Variants in LUC7L2 observed in about 807,000 individuals in gnomAD.
LUC7L2 encodes LUC7 like 2, pre-mRNA splicing factor, also known as putative RNA-binding protein Luc7-like 2.
In LUC7L2, 25 loss-of-function variants were observed where a neutral mutation model predicts 52.8. The observed-to-expected ratio is 0.47, with a 90% CI of 0.34 to 0.66. LUC7L2 has a LOEUF of 0.66. Among genes scored for constraint, LUC7L2 ranks in the 30% least tolerant of loss-of-function variants. LUC7L2 has a pLI of 0.01. For missense variants in LUC7L2, 328 were observed against 497.8 expected, an observed-to-expected ratio of 0.66 and a Z score of 3.25; for synonymous variants, 144 against 160.9, an observed-to-expected ratio of 0.89 and a Z score of 0.80.
intron 1 of LUC7L2, among the ~76,000 whole-genome samples, chr7:139,350,912 G>A (rs757778966): frequency 1.6e-4 from 25 of 152,046 alleles, no homozygotes; most frequent in Non-Finnish European, 2.6e-4. Context: ...CTGACCTCGT[G>A]ATTTGCCCGC....
At position 139,413,341 on chromosome 7, in the gene LUC7L2, A is replaced by T. The variant is rs572832531; in HGVS notation, c.809+761A>T. 2.0e-5 allele frequency among the ~76,000 whole-genome samples: 3 copies of T among 152,218 alleles called. No homozygotes were observed. The South Asian group carries it at 6.2e-4, about 32-fold the overall frequency. Reference sequence around the variant, plus strand: ...TCTTCATGGATCCATTCCCACCTAGAATGCCCTTTCTCAGTCTTTTCCAAA... The same window carrying T: ...TCTTCATGGATCCATTCCCACCTAGTATGCCCTTTCTCAGTCTTTTCCAAA... On this transcript the variant is annotated intron_variant, in intron 8 of 9. Transcript: ENST00000354926.
chr7:139,370,393 T>C (rs1253055491), intron 1 of LUC7L2, among the ~76,000 whole-genome samples: 2 of 152,184 alleles, frequency 1.3e-5, no homozygotes, highest in Non-Finnish European at 1.5e-5. Context: ...GGCTCCTTAG[T>C]ATAAGAGTTA....
At chr7:139,379,572 TTTTTTTTTTTTTTTTG>T (rs1800890067) in intron 2 of LUC7L2, among the ~76,000 whole-genome samples, 1 of 85,514 alleles carries the variant, frequency 1.2e-5, no homozygotes, top group Admixed American at 1.2e-4. Context: ...TTTTTTTTTT[TTTTTTTTTTTTTTTTG>T]AGACAGATAC....
At chr7:139,382,947 G>T (rs1801112855) in intron 2 of LUC7L2, among the ~76,000 whole-genome samples, 1 of 149,242 alleles carries the variant, frequency 6.7e-6, no homozygotes. Flanking sequence ...TTTTTTTTTG[G>T]AGGAGTCTCC....
At chr7:139,389,656 A>T (rs1794344444) in intron 2 of LUC7L2, among the ~76,000 whole-genome samples, 1 of 152,210 alleles carries the variant, frequency 6.6e-6, no homozygotes, top group Non-Finnish European at 1.5e-5. Context: ...CCAAGGAAAT[A>T]AGTTATTCAT....
chr7:139,385,801 A>G (rs563114647), intron 2 of LUC7L2, among the ~76,000 whole-genome samples: 3 of 152,336 alleles, frequency 2.0e-5, no homozygotes, highest in East Asian at 3.9e-4. Context: ...CCTAAGGATC[A>G]GGAATTATTC....
chr7:139,377,256 G>A (rs976494509), intron 2 of LUC7L2, among the ~76,000 whole-genome samples: 3 of 151,952 alleles, frequency 2.0e-5, no homozygotes, highest in East Asian at 3.9e-4. Flanking sequence ...CAGGCTTGGC[G>A]TGCAGTGGCG....
intron 2 of LUC7L2, among the ~76,000 whole-genome samples, chr7:139,390,509 A>G (rs779427230): frequency 3.3e-5 from 5 of 149,722 alleles, no homozygotes; most frequent in Non-Finnish European, 5.9e-5. Context: ...GGTTACAGAC[A>G]TGAGCCACTG....
chr7:139,359,732 G>A (rs1316158771), upstream of LUC7L2: 2 of 399,950 alleles, frequency 5.0e-6, no homozygotes, highest in Non-Finnish European at 8.8e-6. Flanking sequence ...TAAGGAACCA[G>A]AGTATCGCGA....
intron 8 of LUC7L2, among the ~76,000 whole-genome samples, chr7:139,415,672 T>C (rs548200053): frequency 1.5e-4 from 23 of 151,644 alleles, no homozygotes; most frequent in African/African-American, 4.1e-4. Flanking sequence ...TTTAAAAATT[T>C]ATTGTAGATA....
At chr7:139,364,586 T>TA (rs572184640) in intron 1 of LUC7L2, among the ~76,000 whole-genome samples, 97 of 152,332 alleles carry the variant, frequency 6.4e-4, no homozygotes, top group Non-Finnish European at 1.0e-3. Context: ...GTACAGTAGT[T>TA]ATAGTTTGTG....
At chr7:139,368,355 T>TA (rs1029288663) in intron 1 of LUC7L2, among the ~76,000 whole-genome samples, 1 of 152,302 alleles carries the variant, frequency 6.6e-6, no homozygotes, top group African/African-American at 2.4e-5. Flanking sequence ...TGTCTGCATT[T>TA]AAAAAAATGT....
intron 1 of LUC7L2, among the ~76,000 whole-genome samples, chr7:139,370,310 A>G (rs1800379722): frequency 6.6e-6 from 1 of 152,216 alleles, no homozygotes; most frequent in South Asian, 2.1e-4. Flanking sequence ...TTCTAAAGGA[A>G]CAACAAAGGT....
At chr7:139,346,646 A>G (rs1799280618) in intron 1 of LUC7L2, among the ~76,000 whole-genome samples, 1 of 152,132 alleles carries the variant, frequency 6.6e-6, no homozygotes, top group South Asian at 2.1e-4. Context: ...AGGTTACGAG[A>G]GACTCTCTAC....
At chr7:139,395,861 C>T (rs1284078488) in intron 2 of LUC7L2, among the ~76,000 whole-genome samples, 2 of 152,018 alleles carry the variant, frequency 1.3e-5, no homozygotes, top group African/African-American at 2.4e-5. Flanking sequence ...TTACCCAGGC[C>T]GGTCTGGAAC....
intron 2 of LUC7L2, among the ~76,000 whole-genome samples, chr7:139,390,927 C>G (rs1272859929): frequency 1.3e-5 from 2 of 152,212 alleles, no homozygotes; most frequent in African/African-American, 4.8e-5. Flanking sequence ...ACATCACCCT[C>G]CTTCTCAGAT....
At chr7:139,350,356 C>T (rs1799414880) in intron 1 of LUC7L2, among the ~76,000 whole-genome samples, 1 of 152,118 alleles carries the variant, frequency 6.6e-6, no homozygotes, top group Non-Finnish European at 1.5e-5. Context: ...CTCCTGACCT[C>T]ATGATCCACC....
chr7:139,408,137 A>C (rs918574704), intron 6 of LUC7L2, among the ~76,000 whole-genome samples: 1 of 152,208 alleles, frequency 6.6e-6, no homozygotes, highest in South Asian at 2.1e-4. Context: ...ATAGCATTTA[A>C]AATAATATAG....
At chr7:139,382,992 C>T (rs1487320764) in intron 2 of LUC7L2, among the ~76,000 whole-genome samples, 1 of 152,116 alleles carries the variant, frequency 6.6e-6, no homozygotes, top group Non-Finnish European at 1.5e-5. Context: ...CTGGTGTCAC[C>T]TCAGCTCACT....
Sources: gnomAD v4.1 joint callset for allele counts (sites outside exome capture counted in the v4.1 genomes callset) on GRCh38, gnomAD v4.1.1 for gene constraint, MANE v1.5 for transcripts, NCBI Gene and HGNC (gene_info 2026-07-23, HGNC 2026-07-21) for gene names.